Variants in GRID1 observed in about 807,000 individuals in gnomAD.
GRID1 encodes the protein glutamate ionotropic receptor delta type subunit 1.
Under a neutral mutation model 98.0 loss-of-function variants are expected in GRID1, and 28 were observed. The ratio of observed to expected loss-of-function variants is 0.29; its 90% CI spans 0.21 to 0.39. The LOEUF (loss-of-function observed/expected upper bound fraction) is 0.39, where lower values mean the gene tolerates loss of function less well. Ranked by LOEUF, GRID1 falls within the 10% of genes least tolerant of loss-of-function variation. GRID1 has a pLI of 1.00. For missense variants in GRID1, 1,111 were observed against 1,340.5 expected (o/e 0.83, Z 2.67); for synonymous variants, 553 against 538.5 (o/e 1.03, Z -0.37).
At chr10:85,676,159 T>C (rs551560802) in intron 12 of GRID1, among the ~76,000 whole-genome samples, 1 of 152,276 alleles carries the variant, frequency 6.6e-6, no homozygotes, top group South Asian at 2.1e-4. Flanking sequence ...ACTTTTAGTG[T>C]TTCACCTCGA....
At chr10:86,185,571 C>T (rs2132004472) in intron 3 of GRID1, among the ~76,000 whole-genome samples, 1 of 152,246 alleles carries the variant, frequency 6.6e-6, no homozygotes, top group East Asian at 1.9e-4. Flanking sequence ...AGCATATAGT[C>T]TTTCACTATT....
At chr10:85,986,544 G>A (rs1053229658) in intron 4 of GRID1, among the ~76,000 whole-genome samples, 2 of 152,136 alleles carry the variant, frequency 1.3e-5, no homozygotes, top group African/African-American at 2.4e-5. Context: ...CTGCATCATC[G>A]CCAGACCCCA....
chr10:86,150,694 G>T (rs1271276951), intron 3 of GRID1, among the ~76,000 whole-genome samples: 4 of 152,176 alleles, frequency 2.6e-5, no homozygotes, highest in Non-Finnish European at 5.9e-5. Flanking sequence ...TAACCCTCAA[G>T]GTGATGGTAT....
rs183290196 is a variant in GRID1, at chr10:86,155,411, G to A, written c.521-16387C>T. Among the ~76,000 whole-genome samples the A allele has an allele frequency of 3.0e-3, 456 of 152,312 alleles. 6 individuals are homozygous for A. The highest frequency in any genetic ancestry group is 0.01 in the African/African-American group (431 of 41,578). On this transcript the variant is annotated intron_variant, in intron 3 of 15. Coordinates refer to ENST00000327946, the MANE Select transcript of GRID1 (RefSeq NM_017551.3). ...ACCAACTTTGCAAGAGCAACTGAAA[G>A]GGCAGATTCAGATTCTGAGTCAGAG...
At chr10:85,950,977 G>T (rs918886726) in intron 4 of GRID1, among the ~76,000 whole-genome samples, 13 of 151,724 alleles carry the variant, frequency 8.6e-5, no homozygotes, top group African/African-American at 3.1e-4. Context: ...GGAGTTAGGA[G>T]CCTGTCTGGC....
intron 4 of GRID1, among the ~76,000 whole-genome samples, chr10:86,093,133 T>C (rs922973821): frequency 6.6e-6 from 1 of 152,198 alleles, no homozygotes; most frequent in African/African-American, 2.4e-5. Flanking sequence ...TGAATGAGCA[T>C]TGGTTTGAAA....
intron 4 of GRID1, among the ~76,000 whole-genome samples, chr10:86,083,182 C>A (rs980761389): frequency 1.3e-5 from 2 of 152,230 alleles, no homozygotes; most frequent in Non-Finnish European, 2.9e-5. Flanking sequence ...ATTTTCTTCT[C>A]CCCTTGAACA....
chr10:85,710,558 G>C (rs150514204), intron 12 of GRID1, among the ~76,000 whole-genome samples: 1 of 152,058 alleles, frequency 6.6e-6, no homozygotes, highest in South Asian at 2.1e-4. Flanking sequence ...CGTTAGATTT[G>C]GCAATGAATA....
At chr10:86,167,290 G>C (rs1845414022) in intron 3 of GRID1, among the ~76,000 whole-genome samples, 1 of 152,256 alleles carries the variant, frequency 6.6e-6, no homozygotes, top group African/African-American at 2.4e-5. Flanking sequence ...ATGAGCATCA[G>C]GGAGAAGGGG....
At chr10:86,313,762 C>T (rs1011148520) in intron 2 of GRID1, among the ~76,000 whole-genome samples, 1 of 152,184 alleles carries the variant, frequency 6.6e-6, no homozygotes, top group Non-Finnish European at 1.5e-5. Flanking sequence ...TGGGCTGCAC[C>T]CTGCGCTGGG....
intron 2 of GRID1, among the ~76,000 whole-genome samples, chr10:86,258,978 G>T (rs2060515357): frequency 6.6e-6 from 1 of 152,238 alleles, no homozygotes; most frequent in Non-Finnish European, 1.5e-5. Context: ...GACAAAACCA[G>T]TCTTAGTTTA....
chr10:85,649,365 G>T (rs550500205), intron 12 of GRID1, among the ~76,000 whole-genome samples: 40 of 152,256 alleles, frequency 2.6e-4, no homozygotes, highest in Non-Finnish European at 5.3e-4. Context: ...CAAATTCGAT[G>T]AAGAAATCTT....
At chr10:85,797,732 G>A (rs1402388488) in intron 8 of GRID1, among the ~76,000 whole-genome samples, 1 of 151,416 alleles carries the variant, frequency 6.6e-6, no homozygotes, top group Non-Finnish European at 1.5e-5. Context: ...ATTACGGTGT[G>A]AGCCACCACG....
chr10:86,214,978 C>T (rs1564708708), intron 2 of GRID1, among the ~76,000 whole-genome samples: 1 of 152,260 alleles, frequency 6.6e-6, no homozygotes, highest in Non-Finnish European at 1.5e-5. Flanking sequence ...TCACAGTGAT[C>T]ATGTTCACCA....
intron 8 of GRID1, among the ~76,000 whole-genome samples, chr10:85,751,055 C>G (rs922785402): frequency 1.3e-5 from 2 of 152,018 alleles, no homozygotes; most frequent in African/African-American, 4.8e-5. Flanking sequence ...GATAGGTGGG[C>G]CCAGAGGGGG....
intron 4 of GRID1, among the ~76,000 whole-genome samples, chr10:85,933,979 C>T (rs969504593): frequency 3.3e-5 from 5 of 152,174 alleles, no homozygotes; most frequent in African/African-American, 1.2e-4. Flanking sequence ...GCTCCTTCAA[C>T]ATAAATATAG....
At chr10:86,171,556 A>C (rs1845487999) in intron 3 of GRID1, among the ~76,000 whole-genome samples, 1 of 152,230 alleles carries the variant, frequency 6.6e-6, no homozygotes, top group African/African-American at 2.4e-5. Flanking sequence ...AGGCGTTCAC[A>C]TAAGTCCCAT....
chr10:85,986,880 C>T (rs1361980216), intron 4 of GRID1, among the ~76,000 whole-genome samples: 1 of 152,192 alleles, frequency 6.6e-6, no homozygotes, highest in East Asian at 1.9e-4. Context: ...AGAGTCTGTT[C>T]TGCTCTGTTC....
chr10:85,663,465 C>A (rs939755959), intron 12 of GRID1, among the ~76,000 whole-genome samples: 1 of 152,220 alleles, frequency 6.6e-6, no homozygotes, highest in African/African-American at 2.4e-5. Flanking sequence ...TGATCTTAGA[C>A]TTTCAGCCTC....
Sources: allele counts gnomAD v4.1 joint callset (sites outside exome capture counted in the v4.1 genomes callset), GRCh38; gene constraint gnomAD v4.1.1; transcripts MANE v1.5; gene names NCBI Gene and HGNC (gene_info 2026-07-23, HGNC 2026-07-21).